CDH18: variants seen among roughly 807,000 people sequenced by gnomAD.
The protein encoded by CDH18 is cadherin 18.
Under a neutral mutation model 67.9 loss-of-function variants are expected in CDH18, and 31 were observed. The observed-to-expected ratio is 0.46, with a 90% CI of 0.34 to 0.62. The LOEUF (loss-of-function observed/expected upper bound fraction) is 0.62, where lower values mean the gene tolerates loss of function less well. Among genes scored for constraint, CDH18 ranks in the 20% least tolerant of loss-of-function variants. The pLI is 0.01. For missense variants in CDH18, 890 were observed against 975.5 expected (o/e 0.91, Z 1.17); for synonymous variants, 362 against 347.2 (o/e 1.04, Z -0.48).
chr5:19,930,541 T>C (rs1050909179), intron 2 of CDH18, among the ~76,000 whole-genome samples: 10 of 152,078 alleles, frequency 6.6e-5, no homozygotes, highest in Non-Finnish European at 1.5e-4. Flanking sequence ...TCTACAATCA[T>C]ATCAATCAAG....
At chr5:19,998,838 C>A (rs74625330) in intron 2 of CDH18, among the ~76,000 whole-genome samples, 1,749 of 152,012 alleles carry the variant, frequency 0.012, 42 homozygotes, top group African/African-American at 0.04. Context: ...GAAGTGAACT[C>A]TCATGTTAAG....
At chr5:20,126,045 A>G (rs575156849) in intron 2 of CDH18, among the ~76,000 whole-genome samples, 1 of 152,342 alleles carries the variant, frequency 6.6e-6, no homozygotes, top group South Asian at 2.1e-4. Context: ...GAGGTCCCAC[A>G]CTTCCGGATT....
At chr5:20,490,371 A>C (rs1753517587) in intron 1 of CDH18, among the ~76,000 whole-genome samples, 1 of 152,120 alleles carries the variant, frequency 6.6e-6, no homozygotes, top group Non-Finnish European at 1.5e-5. Context: ...ATAGAATGAG[A>C]CAATGCTGGG....
intron 2 of CDH18, among the ~76,000 whole-genome samples, chr5:19,939,719 C>T (rs1040109920): frequency 6.6e-6 from 1 of 151,702 alleles, no homozygotes; most frequent in Non-Finnish European, 1.5e-5. Flanking sequence ...TAATGTAAAG[C>T]AAAGCTTTCA....
At chr5:20,072,427 T>A (rs1414799529) in intron 2 of CDH18, among the ~76,000 whole-genome samples, 1 of 151,980 alleles carries the variant, frequency 6.6e-6, no homozygotes. Context: ...AGATTGAAGA[T>A]TAAAAATTCA....
At chr5:19,724,314 AT>A (rs1195658207) in intron 4 of CDH18, among the ~76,000 whole-genome samples, 1 of 152,186 alleles carries the variant, frequency 6.6e-6, no homozygotes, top group Non-Finnish European at 1.5e-5. Context: ...AAATGAAAAA[AT>A]TTAGAAATGA....
chr5:20,351,275 C>T (rs1332577115), intron 1 of CDH18, among the ~76,000 whole-genome samples: 1 of 146,370 alleles, frequency 6.8e-6, no homozygotes, highest in East Asian at 2.1e-4. Flanking sequence ...TTCACTGATA[C>T]ATCAAATGGT....
chr5:20,202,375 T>A (rs1357802789), intron 2 of CDH18, among the ~76,000 whole-genome samples: 1 of 152,194 alleles, frequency 6.6e-6, no homozygotes, highest in Non-Finnish European at 1.5e-5. Context: ...AGCTTGGGAA[T>A]CCTTAGCTTA....
intron 2 of CDH18, among the ~76,000 whole-genome samples, chr5:19,928,081 T>C (rs1175064665): frequency 2.0e-5 from 3 of 152,158 alleles, no homozygotes; most frequent in Non-Finnish European, 2.9e-5. Flanking sequence ...TCCGTCCTGA[T>C]TCATTGTCAT....
chr5:19,904,430 A>G (rs1790320930), intron 2 of CDH18, among the ~76,000 whole-genome samples: 1 of 151,280 alleles, frequency 6.6e-6, no homozygotes, highest in Non-Finnish European at 1.5e-5. Context: ...AGGGAAGGGA[A>G]GGGACAGTTT....
At chr5:19,935,726 T>A (rs1268746526) in intron 2 of CDH18, among the ~76,000 whole-genome samples, 3 of 150,558 alleles carry the variant, frequency 2.0e-5, no homozygotes, top group Admixed American at 1.3e-4. Flanking sequence ...TTTTTTACTG[T>A]GGAAAATAAA....
intron 8 of CDH18, among the ~76,000 whole-genome samples, chr5:19,559,504 A>G (rs1739055687): frequency 6.6e-6 from 1 of 151,982 alleles, no homozygotes; most frequent in African/African-American, 2.4e-5. Flanking sequence ...CTCATCAAAA[A>G]CACCAAAGAA....
chr5:20,226,724 G>C (rs1741660248), intron 2 of CDH18, among the ~76,000 whole-genome samples: 1 of 151,854 alleles, frequency 6.6e-6, no homozygotes, highest in Admixed American at 6.6e-5. Context: ...ATATAAAGTG[G>C]AATAATTATT....
chr5:20,469,396 T>C (rs1477458626), intron 1 of CDH18, among the ~76,000 whole-genome samples: 1 of 152,108 alleles, frequency 6.6e-6, no homozygotes, highest in Non-Finnish European at 1.5e-5. Flanking sequence ...AAGTGAAAAA[T>C]AGGAAACTTT....
At chr5:20,356,265 C>A (rs1056452355) in intron 1 of CDH18, among the ~76,000 whole-genome samples, 1 of 152,146 alleles carries the variant, frequency 6.6e-6, no homozygotes, top group African/African-American at 2.4e-5. Flanking sequence ...TGCCTGCAAT[C>A]CCAGCTACTT....
intron 3 of CDH18, among the ~76,000 whole-genome samples, chr5:19,778,350 G>T (rs1774646559): frequency 6.6e-6 from 1 of 152,064 alleles, no homozygotes. Context: ...TTTTAGCCAA[G>T]AAATTAAAAC....
chr5:19,721,612 A>T (rs886798994), intron 4 of CDH18, 146 bp from the exon 5 acceptor site: 10 of 561,122 alleles, frequency 1.8e-5, no homozygotes, highest in Non-Finnish European at 2.9e-5. Context: ...TGTATAAAAC[A>T]TATTACTTGC....
Position 19,580,176 on chromosome 5 carries a change from A to G in CDH18, c.1000-8344T>C, listed in dbSNP as rs183360842. The stretch of plus-strand genomic sequence containing the variant: ...TTTTTGGTTATAATTTCCATACTTG[A>G]AGGACAATATGGGTGGATATAAATC... On this transcript the variant is annotated intron_variant, in intron 7 of 12. Coordinates refer to ENST00000382275, the MANE Select transcript of CDH18 (RefSeq NM_004934.5). Among the ~76,000 whole-genome samples, 303 of 151,998 alleles carry G rather than the reference A, an allele frequency of 2.0e-3. 1 individual carries two copies. In the Middle Eastern group the frequency reaches 0.024, roughly 12 times the overall value.
At chr5:19,703,720 TG>T (rs1763580519) in intron 5 of CDH18, among the ~76,000 whole-genome samples, 1 of 131,814 alleles carries the variant, frequency 7.6e-6, no homozygotes, top group South Asian at 2.4e-4. Context: ...ACACACCCCC[TG>T]CCCCCCCTGC....
Sources: allele counts gnomAD v4.1 joint callset (sites outside exome capture counted in the v4.1 genomes callset), GRCh38; gene constraint gnomAD v4.1.1; transcripts MANE v1.5; gene names NCBI Gene and HGNC (gene_info 2026-07-23, HGNC 2026-07-21).